The following FARS2 variants were observed in gnomAD, a reference collection of about 807,000 sequenced individuals.
The protein encoded by FARS2 is phenylalanyl-tRNA synthetase 2, mitochondrial.
A neutral mutation model predicts 46.4 loss-of-function variants in FARS2; 40 were observed. The ratio of observed to expected loss-of-function variants is 0.86; its 90% CI spans 0.67 to 1.12. The LOEUF is 1.12. Ranked by LOEUF, FARS2 falls within the 50% of genes most tolerant of loss-of-function variation. FARS2 has a pLI of 0.00. For synonymous variants in FARS2, 234 were observed against 214.9 expected, an observed-to-expected ratio of 1.09 and a Z score of -0.78; for missense variants, 513 against 567.9, an observed-to-expected ratio of 0.90 and a Z score of 0.98.
intron 2 of FARS2, among the ~76,000 whole-genome samples, chr6:5,399,921 T>G (rs1761153613): frequency 6.6e-6 from 1 of 152,184 alleles, no homozygotes; most frequent in Non-Finnish European, 1.5e-5. Flanking sequence ...CAAACAATAC[T>G]ACAATGAAAA....
chr6:5,686,149 A>G (rs1757180267), intron 6 of FARS2, among the ~76,000 whole-genome samples: 1 of 152,172 alleles, frequency 6.6e-6, no homozygotes, highest in African/African-American at 2.4e-5. Flanking sequence ...ATGTCTGCAG[A>G]AGTCATGCAG....
chr6:5,297,408 G>A (rs1026619151), intron 1 of FARS2, among the ~76,000 whole-genome samples: 2 of 152,204 alleles, frequency 1.3e-5, no homozygotes, highest in Non-Finnish European at 2.9e-5. Context: ...AGCACTTTGG[G>A]GGGCCAAGGC....
chr6:5,407,739 T>C (rs1289943817), intron 3 of FARS2, among the ~76,000 whole-genome samples: 1 of 152,182 alleles, frequency 6.6e-6, no homozygotes, highest in Non-Finnish European at 1.5e-5. Context: ...CGTAATATAA[T>C]AGTGAAATAG....
intron 6 of FARS2, among the ~76,000 whole-genome samples, chr6:5,659,961 A>C (rs1397622643): frequency 6.6e-6 from 1 of 152,178 alleles, no homozygotes; most frequent in Non-Finnish European, 1.5e-5. Flanking sequence ...AACCCGCTTT[A>C]CTACCTTCCT....
rs552776385 is a variant in FARS2, at chr6:5,528,987, A to G, written c.905-16193A>G. Among the ~76,000 whole-genome samples the G allele has an allele frequency of 2.2e-3, 337 of 152,260 alleles. 2 individuals are homozygous for G. The highest frequency in any genetic ancestry group is 7.8e-3 in the African/African-American group (324 of 41,502). On this transcript the variant is annotated intron_variant, in intron 4 of 6. Transcript: ENST00000274680. ...CCTCTTGCTCCTGTACCAAATCTGG[A>G]AATGCCTATCTTCAGAATCCTTTTT...
At chr6:5,438,144 C>T (rs961830456) in intron 4 of FARS2, among the ~76,000 whole-genome samples, 1 of 151,060 alleles carries the variant, frequency 6.6e-6, no homozygotes, top group Non-Finnish European at 1.5e-5. Context: ...TCATTCTTCA[C>T]TTGTAAATAC....
intron 4 of FARS2, among the ~76,000 whole-genome samples, chr6:5,520,292 C>G (rs993565139): frequency 6.6e-6 from 1 of 152,096 alleles, no homozygotes; most frequent in African/African-American, 2.4e-5. Flanking sequence ...CACCTGGTGA[C>G]GAGATAATCA....
At chr6:5,409,095 G>A (rs1761783987) in intron 3 of FARS2, among the ~76,000 whole-genome samples, 1 of 152,158 alleles carries the variant, frequency 6.6e-6, no homozygotes, top group Non-Finnish European at 1.5e-5. Flanking sequence ...TGCAATATAT[G>A]ACTTTTCTGA....
the FARS2 span, among the ~76,000 whole-genome samples, chr6:5,254,446 C>T: frequency 6.6e-6 from 1 of 152,146 alleles, no homozygotes; most frequent in East Asian, 1.9e-4. Context: ...GTAATAGTTC[C>T]TATTTTGATT....
At position 5,283,547 on chromosome 6, in the gene FARS2, T is replaced by TC. The variant is rs1274387731; in HGVS notation, c.-22+21888dup. On this transcript the variant is annotated intron_variant, in intron 1 of 6. Transcript: ENST00000274680. The stretch of plus-strand genomic sequence containing the variant: ...CTGGGCAACAGAGCGAGACTTTGTT[T>TC]CAAAAAAAAAAAAAAAAAATCAGAA... Among the ~76,000 whole-genome samples the TC allele has an allele frequency of 5.7e-5, 3 of 52,260 alleles. No homozygotes were observed. In the East Asian group the frequency reaches 2.2e-3, roughly 38 times the overall value. 34.3% of individuals were successfully genotyped at this position (52,260 alleles called of 152,430 possible).
intron 6 of FARS2, chr6:5,694,817 C>T (rs1757990741): frequency 1.5e-5 from 2 of 134,788 alleles, no homozygotes; most frequent in African/African-American, 5.7e-5. Flanking sequence ...AGCCTGGCAA[C>T]ATAGTGAGAA....
At chr6:5,707,498 A>G (rs2150895183) in intron 6 of FARS2, among the ~76,000 whole-genome samples, 1 of 152,336 alleles carries the variant, frequency 6.6e-6, no homozygotes, top group South Asian at 2.1e-4. Flanking sequence ...AGACTTGCTC[A>G]CAGTCACCCA....
At chr6:5,434,886 G>A (rs1232366367) in intron 4 of FARS2, among the ~76,000 whole-genome samples, 1 of 152,216 alleles carries the variant, frequency 6.6e-6, no homozygotes, top group East Asian at 1.9e-4. Context: ...AGAGAATCAG[G>A]TGAGTGCTAA....
At chr6:5,432,323 A>AT (rs1394200964) in intron 4 of FARS2, among the ~76,000 whole-genome samples, 329 of 39,818 alleles carry the variant, frequency 8.3e-3, no homozygotes, top group Middle Eastern at 0.027. Flanking sequence ...TTAAAAAAAA[A>AT]AAAAATATAT....
intron 2 of FARS2, among the ~76,000 whole-genome samples, chr6:5,375,553 G>A (rs1759323356): frequency 6.6e-6 from 1 of 151,986 alleles, no homozygotes; most frequent in Admixed American, 6.5e-5. Flanking sequence ...GAAAAATTGA[G>A]GGACTAATCT....
At chr6:5,702,414 CCTT>C (rs1451269031) in intron 6 of FARS2, among the ~76,000 whole-genome samples, 63 of 152,262 alleles carry the variant, frequency 4.1e-4, no homozygotes, top group African/African-American at 1.4e-3. Flanking sequence ...TTCTTCTTAT[CCTT>C]CTGTAAGTGA....
chr6:5,314,624 T>A (rs1285805851), intron 1 of FARS2, among the ~76,000 whole-genome samples: 1 of 152,188 alleles, frequency 6.6e-6, no homozygotes. Context: ...TGGGTGTTTT[T>A]TTCTCTAATG....
At chr6:5,584,638 T>A (rs544163480) in intron 5 of FARS2, among the ~76,000 whole-genome samples, 4 of 152,214 alleles carry the variant, frequency 2.6e-5, no homozygotes, top group Non-Finnish European at 5.9e-5. Flanking sequence ...TTAGATTTTG[T>A]CAGTGGCACA....
chr6:5,399,869 T>A (rs1022854771), intron 2 of FARS2, among the ~76,000 whole-genome samples: 1 of 152,198 alleles, frequency 6.6e-6, no homozygotes, highest in Non-Finnish European at 1.5e-5. Context: ...TTATTTAACA[T>A]CTTTCCAATG....
Sources: allele counts gnomAD v4.1 joint callset (sites outside exome capture counted in the v4.1 genomes callset), GRCh38; gene constraint gnomAD v4.1.1; transcripts MANE v1.5; gene names NCBI Gene and HGNC (gene_info 2026-07-23, HGNC 2026-07-21).